DCK: variants seen among roughly 807,000 people sequenced by gnomAD.
The protein encoded by DCK is deoxycytidine kinase.
DCK carries 23 observed loss-of-function variants against 38.3 expected under a neutral mutation model. The observed-to-expected ratio is 0.60, with a 90% CI of 0.43 to 0.85. The LOEUF (loss-of-function observed/expected upper bound fraction) is 0.85, where lower values mean the gene tolerates loss of function less well. DCK is among the 40% of genes least tolerant of loss of function. The pLI is 0.00. For synonymous variants in DCK, 108 were observed against 100.6 expected (o/e 1.07, Z -0.44); for missense variants, 259 against 304.4 (o/e 0.85, Z 1.11).
chr4:71,002,148 C>T (rs1739817811), intron 2 of DCK, among the ~76,000 whole-genome samples: 1 of 152,168 alleles, frequency 6.6e-6, no homozygotes, highest in African/African-American at 2.4e-5. Flanking sequence ...TTAGCTGTGT[C>T]CCAGAGATTG....
At chr4:70,998,787 G>T (rs1366017193) in intron 2 of DCK, among the ~76,000 whole-genome samples, 1 of 151,988 alleles carries the variant, frequency 6.6e-6, no homozygotes, top group Non-Finnish European at 1.5e-5. Context: ...AGCTGAACGT[G>T]GTGGTGGGCA....
chr4:71,026,495 T>C (rs545954112), intron 5 of DCK, among the ~76,000 whole-genome samples, 170 bp from the exon 6 acceptor site: 1 of 152,250 alleles, frequency 6.6e-6, no homozygotes, highest in African/African-American at 2.4e-5. Context: ...CTCCATATGG[T>C]AAATCTAGAT....
intron 6 of DCK, 25 bp from the exon 7 acceptor site, chr4:71,029,327 G>T: frequency 6.5e-7 from 1 of 1,535,966 alleles, no homozygotes; most frequent in South Asian, 1.2e-5. Flanking sequence ...GAATTATACT[G>T]ATTTTTTTTT....
intron 4 of DCK, among the ~76,000 whole-genome samples, chr4:71,024,168 G>A (rs572733621): frequency 1.3e-5 from 2 of 152,110 alleles, no homozygotes. Flanking sequence ...TGGCAATGTT[G>A]ATGGAGGTCC....
At position 71,023,586 on chromosome 4, in the gene DCK, A is replaced by G. The variant is rs767234705; in HGVS notation, c.429A>G (p.Glu143=). Residue 143 remains glutamate, a synonymous_variant, in exon 4 of 7, where the codon GAA becomes GAG. Coordinates refer to ENST00000286648, the MANE Select transcript of DCK (RefSeq NM_000788.3). Reference sequence around the variant, plus strand: ...ATATTTTTGCATCTAATTTGTATGAATCTGAATGCATGAATGAGACAGAGT... The same window carrying G: ...ATATTTTTGCATCTAATTTGTATGAGTCTGAATGCATGAATGAGACAGAGT... ...DRYIFASNLY[E]SECMNETEWT... 9 of 1,606,360 alleles carry G rather than the reference A, an allele frequency of 5.6e-6. No individual in the cohort carries two copies. Among genetic ancestry groups the G allele is most frequent in the Non-Finnish European group, 7.7e-6 (9 of 1,174,612 alleles).
Position 71,025,900 on chromosome 4 carries a change from C to T in DCK, c.634C>T (p.His212Tyr), listed in dbSNP as rs1740536151. 6.2e-7 allele frequency: 1 copy of T among 1,610,082 alleles called. No individual in the cohort carries two copies. ...ATATTTAGAGAAGCTTCATTATAAA[C>T]ATGAAAGCTGGCTCCTGCATAGGAC... ...LEYLEKLHYK[H>Y]ESWLLHRTLK... Residue 212 changes from histidine to tyrosine, a missense_variant, in exon 5 of 7, where the codon CAT becomes TAT. Coordinates refer to ENST00000286648, the MANE Select transcript of DCK (RefSeq NM_000788.3).
chr4:71,025,779 C>A (rs374130118), intron 4 of DCK, 37 bp from the exon 5 acceptor site: 153 of 1,560,492 alleles, frequency 9.8e-5, no homozygotes, highest in South Asian at 9.1e-4. Context: ...TAATTGTTCC[C>A]TGCCTTTTTC....
intron 2 of DCK, among the ~76,000 whole-genome samples, chr4:71,014,896 C>A (rs934853591): frequency 7.2e-5 from 11 of 152,106 alleles, no homozygotes; most frequent in Admixed American, 6.5e-4. Flanking sequence ...CCAAAGCTAG[C>A]AGAAGGCAAG....
Position 71,011,850 on chromosome 4 carries a change from C to T in DCK, c.208-10517C>T, listed in dbSNP as rs1740097621. ...GTACTTCCTATAACAATGAAGTATT[C>T]TTTCATAAAGTGAAAATGGACATAT... On this transcript the variant is annotated intron_variant, in intron 2 of 6. Coordinates refer to ENST00000286648, the MANE Select transcript of DCK (RefSeq NM_000788.3). Among the ~76,000 whole-genome samples, 3 of 152,064 alleles carry T rather than the reference C, an allele frequency of 2.0e-5. No individual in the cohort carries two copies. In the South Asian group the frequency reaches 6.2e-4, roughly 31 times the overall value.
At chr4:71,028,116 A>G (rs896234254) in intron 6 of DCK, among the ~76,000 whole-genome samples, 1 of 152,222 alleles carries the variant, frequency 6.6e-6, no homozygotes, top group Non-Finnish European at 1.5e-5. Context: ...TGACATTGCA[A>G]AGTATGTGAT....
chr4:70,995,537 C>G (rs145089422), intron 1 of DCK, among the ~76,000 whole-genome samples: 4 of 151,484 alleles, frequency 2.6e-5, no homozygotes, highest in African/African-American at 4.8e-5. Context: ...CATGATCACA[C>G]TACTGCACTC....
intron 2 of DCK, among the ~76,000 whole-genome samples, chr4:71,007,944 T>G (rs1366889146): frequency 6.6e-6 from 1 of 152,100 alleles, no homozygotes; most frequent in Non-Finnish European, 1.5e-5. Context: ...CCAGGCTGGT[T>G]TCAAACTCCT....
At position 71,011,228 on chromosome 4, in the gene DCK, G is replaced by GTC. The variant is rs1212648157; in HGVS notation, c.208-11135_208-11134dup. 1.0e-4 allele frequency among the ~76,000 whole-genome samples: 14 copies of GTC among 136,358 alleles called. 1 individual carries two copies. The highest frequency in any genetic ancestry group is 3.9e-4 in the African/African-American group (14 of 36,054). The allele number at this position is 136,358 out of a possible 152,430, so 89.5% of individuals were successfully genotyped here. ...AAAGGGCTGGGATTACAGGTGTGAG[G>GTC]TCTCTTTTTTTTTTTTTTTTTTTTT... is the stretch of plus-strand genomic sequence containing the variant. On this transcript the variant is annotated intron_variant, in intron 2 of 6. Coordinates refer to ENST00000286648, the MANE Select transcript of DCK (RefSeq NM_000788.3).
chr4:71,021,819 G>A (rs918025749), intron 2 of DCK, among the ~76,000 whole-genome samples: 2 of 152,036 alleles, frequency 1.3e-5, no homozygotes, highest in Admixed American at 6.6e-5. Flanking sequence ...TGGCTAACAC[G>A]GTGAAACCCC....
chr4:71,013,553 T>C (rs907164515), intron 2 of DCK, among the ~76,000 whole-genome samples: 1 of 152,108 alleles, frequency 6.6e-6, no homozygotes, highest in Non-Finnish European at 1.5e-5. Context: ...AGACTAACAG[T>C]GGATCTCGCG....
chr4:71,020,570 C>G (rs1740389464), intron 2 of DCK, among the ~76,000 whole-genome samples: 1 of 152,170 alleles, frequency 6.6e-6, no homozygotes, highest in African/African-American at 2.4e-5. Flanking sequence ...TCATATACCA[C>G]TTTATTACCC....
chr4:71,012,228 C>T (rs1478311747), intron 2 of DCK, among the ~76,000 whole-genome samples: 6 of 152,194 alleles, frequency 3.9e-5, no homozygotes, highest in African/African-American at 1.4e-4. Flanking sequence ...GAGGGGCGCC[C>T]ACCATTGCTG....
chr4:70,996,333 A>G (rs1739659196), intron 1 of DCK, among the ~76,000 whole-genome samples: 1 of 152,218 alleles, frequency 6.6e-6, no homozygotes, highest in African/African-American at 2.4e-5. Flanking sequence ...ACTGCCCTAC[A>G]GCCTGGGCTA....
At chr4:71,015,314 C>T (rs966965963) in intron 2 of DCK, among the ~76,000 whole-genome samples, 1 of 152,164 alleles carries the variant, frequency 6.6e-6, no homozygotes, top group Non-Finnish European at 1.5e-5. Flanking sequence ...CAAAAAAAGT[C>T]CAGGACCAGA....
Sources: gnomAD v4.1 joint callset for allele counts (sites outside exome capture counted in the v4.1 genomes callset) on GRCh38, gnomAD v4.1.1 for gene constraint, MANE v1.5 for transcripts, NCBI Gene and HGNC (gene_info 2026-07-23, HGNC 2026-07-21) for gene names.